Variants in CSMD3 observed in about 807,000 individuals in gnomAD.
The protein encoded by CSMD3 is CUB and sushi domain-containing protein 3.
A neutral mutation model predicts 435.2 loss-of-function variants in CSMD3; 177 were observed. The observed-to-expected ratio is 0.41, with a 90% CI of 0.36 to 0.46. The LOEUF is 0.46. CSMD3 is among the 20% of genes least tolerant of loss of function. The pLI is 0.34. For synonymous variants in CSMD3, 1,656 were observed against 1,520.5 expected (o/e 1.09, Z -2.07); for missense variants, 4,265 against 4,504.6 (o/e 0.95, Z 1.52).
chr8:112,655,141 A>T (rs186828963), intron 18 of CSMD3, among the ~76,000 whole-genome samples: 1,845 of 152,274 alleles, frequency 0.012, 20 homozygotes, highest in Non-Finnish European at 0.019. Flanking sequence ...ATTGACAATT[A>T]TTTTAAAAAC....
At chr8:112,990,520 T>C (rs2085417430) in intron 6 of CSMD3, among the ~76,000 whole-genome samples, 1 of 151,794 alleles carries the variant, frequency 6.6e-6, no homozygotes, top group African/African-American at 2.4e-5. Context: ...AAACAGAGGC[T>C]TTGTGAAAAA....
At chr8:112,505,268 A>G (rs1822380833) in intron 29 of CSMD3, among the ~76,000 whole-genome samples, 1 of 152,126 alleles carries the variant, frequency 6.6e-6, no homozygotes, top group Non-Finnish European at 1.5e-5. Flanking sequence ...TAGTTCAATT[A>G]ACTTATCCTG....
chr8:113,379,604 G>A (rs895021124), intron 1 of CSMD3, among the ~76,000 whole-genome samples: 1 of 152,086 alleles, frequency 6.6e-6, no homozygotes, highest in East Asian at 1.9e-4. Context: ...AAAATAGAAA[G>A]AAAGTGGCTA....
intron 35 of CSMD3, among the ~76,000 whole-genome samples, chr8:112,397,855 A>G (rs1830982898): frequency 6.6e-6 from 1 of 152,206 alleles, no homozygotes; most frequent in African/African-American, 2.4e-5. Context: ...CATGCAAAAT[A>G]CATTCATTCC....
chr8:113,384,087 C>T (rs1411605436), intron 1 of CSMD3, among the ~76,000 whole-genome samples: 2 of 152,160 alleles, frequency 1.3e-5, no homozygotes, highest in Admixed American at 6.5e-5. Flanking sequence ...ACCCCAAATT[C>T]CCACCATACT....
intron 6 of CSMD3, among the ~76,000 whole-genome samples, chr8:112,979,349 A>G (rs948767388): frequency 6.6e-6 from 1 of 151,742 alleles, no homozygotes; most frequent in Non-Finnish European, 1.5e-5. Flanking sequence ...ATCCATTACC[A>G]TACAGTTATG....
Position 112,638,802 on chromosome 8 carries a change from A to T in CSMD3, c.3420T>A (p.Asp1140Glu), listed in dbSNP as rs2131589360. 1 of 1,612,796 alleles carries T rather than the reference A, an allele frequency of 6.2e-7. No individual in the cohort carries two copies. The highest frequency in any genetic ancestry group is 8.5e-7 in the Non-Finnish European group (1 of 1,179,024). ...TQPLARLTGS[D>E]LPPTINAGLY... ...GACCAGCATTGATTGTTGGAGGAAG[A>T]TCTGAACCAGTCAGGCGTGCCAGTG... Residue 1140 changes from aspartate to glutamate, a missense_variant, in exon 21 of 71, where the codon GAT (aspartate) becomes GAA (glutamate). This residue lies in a region of CSMD3 where 3,255 missense variants were observed against 3,380.2 expected (regional missense o/e 0.96). Transcript: ENST00000297405.
At chr8:113,058,896 A>G (rs1441756083) in intron 5 of CSMD3, among the ~76,000 whole-genome samples, 1 of 152,116 alleles carries the variant, frequency 6.6e-6, no homozygotes, top group African/African-American at 2.4e-5. Flanking sequence ...AGTAAAAAGA[A>G]GTATACTGGA....
chr8:112,810,531 A>G (rs982849735), intron 12 of CSMD3, among the ~76,000 whole-genome samples: 1 of 152,138 alleles, frequency 6.6e-6, no homozygotes, highest in African/African-American at 2.4e-5. Flanking sequence ...GACTGTTATT[A>G]TAATTAAATT....
intron 17 of CSMD3, among the ~76,000 whole-genome samples, chr8:112,665,759 GT>G (rs1391710242): frequency 6.6e-6 from 1 of 152,018 alleles, no homozygotes. Flanking sequence ...TTACAATATA[GT>G]TTATTTGATC....
chr8:113,013,655 T>A (rs1175956744), intron 6 of CSMD3, among the ~76,000 whole-genome samples: 1 of 151,990 alleles, frequency 6.6e-6, no homozygotes, highest in Non-Finnish European at 1.5e-5. Context: ...GTTTGGAGGA[T>A]CTAGATAGCT....
intron 32 of CSMD3, among the ~76,000 whole-genome samples, chr8:112,448,755 T>TAAGA (rs1815918643): frequency 7.9e-6 from 1 of 127,204 alleles, no homozygotes; most frequent in Admixed American, 7.8e-5. Context: ...TACAATCTAT[T>TAAGA]AAAAAAAAAA....
chr8:112,753,317 AT>A (rs1338069489), intron 13 of CSMD3, among the ~76,000 whole-genome samples: 1 of 152,162 alleles, frequency 6.6e-6, no homozygotes, highest in Non-Finnish European at 1.5e-5. Flanking sequence ...TTCAATTTTT[AT>A]TTTGTATAAT....
Position 112,838,677 on chromosome 8 carries a change from G to C in CSMD3, c.1756-8888C>G, listed in dbSNP as rs16884148. ...ATTGCTTGTAAATGTCTAATGCAGA[G>C]AGAGCAAAATATGGAGTACCTTTAT... On this transcript the variant is annotated intron_variant, in intron 11 of 70. Transcript: ENST00000297405. Among the ~76,000 whole-genome samples, 869 of 151,830 alleles carry C rather than the reference G, an allele frequency of 5.7e-3. 18 individuals carry two copies. The East Asian group carries it at 0.074, about 13-fold the overall frequency.
intron 3 of CSMD3, among the ~76,000 whole-genome samples, chr8:113,238,093 A>T (rs1017230723): frequency 1.4e-5 from 2 of 147,102 alleles, no homozygotes; most frequent in Non-Finnish European, 3.0e-5. Context: ...AAAAAAAAAA[A>T]GGTGGGGAGT....
intron 13 of CSMD3, among the ~76,000 whole-genome samples, chr8:112,737,429 G>A (rs12677918): frequency 0.33 from 50,500 of 151,750 alleles, 9,270 homozygotes; most frequent in African/African-American, 0.5. Context: ...ACTTACAGGT[G>A]TTTGACATTT....
intron 3 of CSMD3, among the ~76,000 whole-genome samples, chr8:113,193,487 C>A (rs1057075841): frequency 7.3e-6 from 1 of 137,444 alleles, no homozygotes; most frequent in Admixed American, 8.5e-5. Context: ...TAAGATTCAA[C>A]CTTCTAATGA....
intron 32 of CSMD3, among the ~76,000 whole-genome samples, chr8:112,455,648 G>A (rs140251779): frequency 6.6e-6 from 1 of 151,622 alleles, no homozygotes; most frequent in Non-Finnish European, 1.5e-5. Flanking sequence ...CATAATCAAT[G>A]CCTAAGTCAG....
chr8:112,859,710 C>G (rs976118476), intron 10 of CSMD3, among the ~76,000 whole-genome samples: 2 of 151,656 alleles, frequency 1.3e-5, no homozygotes, highest in Admixed American at 1.3e-4. Context: ...AGAAAAACTT[C>G]TCTTTCTGTA....
Sources: allele counts gnomAD v4.1 joint callset (sites outside exome capture counted in the v4.1 genomes callset), GRCh38; gene constraint gnomAD v4.1.1; regional missense constraint gnomAD v4.1.1; transcripts MANE v1.5; gene names NCBI Gene and HGNC (gene_info 2026-07-23, HGNC 2026-07-21).